The following DPP6 variants were observed in gnomAD, a reference collection of about 807,000 sequenced individuals.
The protein encoded by DPP6 is dipeptidyl peptidase like 6.
DPP6 carries 69 observed loss-of-function variants against 122.6 expected under a neutral mutation model. That is an observed-to-expected ratio of 0.56 (90% CI 0.46 to 0.69). DPP6 has a LOEUF of 0.69. DPP6 is among the 30% of genes least tolerant of loss of function. DPP6 has a pLI of 0.00. For missense variants in DPP6, 928 were observed against 1,116.9 expected (o/e 0.83, Z 2.41); for synonymous variants, 418 against 433.1 (o/e 0.97, Z 0.43).
intron 7 of DPP6, among the ~76,000 whole-genome samples, chr7:154,711,781 G>C (rs549473270): frequency 6.6e-6 from 1 of 152,232 alleles, no homozygotes; most frequent in Admixed American, 6.5e-5. Context: ...CCTGATTATA[G>C]TAATTATTCC....
intron 1 of DPP6, among the ~76,000 whole-genome samples, chr7:154,402,706 A>G (rs1815738605): frequency 6.6e-6 from 1 of 151,456 alleles, no homozygotes; most frequent in Non-Finnish European, 1.5e-5. Flanking sequence ...TATGTAACTA[A>G]CCTGCACAAT....
intron 1 of DPP6, among the ~76,000 whole-genome samples, chr7:153,952,354 C>T (rs1802258560): frequency 6.6e-6 from 1 of 152,170 alleles, no homozygotes; most frequent in African/African-American, 2.4e-5. Context: ...TAAACTAAGG[C>T]CAGAAAGATT....
chr7:154,445,832 T>C (rs769139354), intron 1 of DPP6, among the ~76,000 whole-genome samples: 2 of 151,460 alleles, frequency 1.3e-5, no homozygotes, highest in African/African-American at 2.4e-5. Flanking sequence ...AGTTTAATCC[T>C]AGTTGGGTTG....
In DPP6 at chr7:154,859,294, G is replaced by C. The variant is rs981967829; in HGVS notation, c.1714+5467G>C. Among the ~76,000 whole-genome samples, 5 of 152,354 alleles carry C rather than the reference G, an allele frequency of 3.3e-5. No individual in the cohort carries two copies. The South Asian group carries it at 1.0e-3, about 32-fold the overall frequency. On this transcript the variant is annotated intron_variant, in intron 17 of 25. Transcript: ENST00000377770. ...CGCTGTGGGGCTGAGCCAGGAAAGC[G>C]GGGCCCATGGCCTACAGCTGGGCAG...
At chr7:154,749,690 T>C (rs112102099) in intron 8 of DPP6, among the ~76,000 whole-genome samples, 1,247 of 37,454 alleles carry the variant, frequency 0.033, 4 homozygotes, top group Middle Eastern at 0.067. Flanking sequence ...GAGCATAGGA[T>C]GGGAAAGAGA....
intron 1 of DPP6, among the ~76,000 whole-genome samples, chr7:154,084,989 C>CAAAA (rs370222780): frequency 0.046 from 3,554 of 77,448 alleles, 266 homozygotes; most frequent in Middle Eastern, 0.081. Flanking sequence ...GACTCCGTCT[C>CAAAA]AAAAAAAAAA....
chr7:154,431,032 C>T (rs1394489779), intron 1 of DPP6, among the ~76,000 whole-genome samples: 2 of 152,088 alleles, frequency 1.3e-5, no homozygotes, highest in African/African-American at 2.4e-5. Context: ...TGATTGGCAC[C>T]CAGAGAGAAG....
chr7:154,609,953 G>A (rs976256696), intron 5 of DPP6, among the ~76,000 whole-genome samples: 2 of 152,158 alleles, frequency 1.3e-5, no homozygotes, highest in African/African-American at 4.8e-5. Flanking sequence ...CACCTGCCTT[G>A]ACCCTTGTCT....
chr7:154,312,856 A>G (rs140550016), intron 1 of DPP6, among the ~76,000 whole-genome samples: 1 of 152,222 alleles, frequency 6.6e-6, no homozygotes, highest in Admixed American at 6.5e-5. Flanking sequence ...TATTCAAAGC[A>G]TATTCCATGT....
At chr7:154,117,883 C>T (rs1014628230) in intron 1 of DPP6, among the ~76,000 whole-genome samples, 76 of 152,156 alleles carry the variant, frequency 5.0e-4, no homozygotes, top group African/African-American at 1.7e-3. Flanking sequence ...AGGGATTTTC[C>T]GCTCACGGTA....
chr7:154,733,760 G>T (rs1052414812), intron 8 of DPP6, among the ~76,000 whole-genome samples: 1 of 152,096 alleles, frequency 6.6e-6, no homozygotes, highest in Non-Finnish European at 1.5e-5. Context: ...TGGTTTTCAG[G>T]GTCTGTTTTC....
chr7:153,937,458 T>C, intron 1 of DPP6, among the ~76,000 whole-genome samples: 1 of 75,806 alleles, frequency 1.3e-5, no homozygotes, highest in Non-Finnish European at 2.8e-5. Context: ...TTTTTTTTTT[T>C]TTTTTTTTTT....
chr7:154,256,151 A>G (rs909310303), intron 1 of DPP6, among the ~76,000 whole-genome samples: 7 of 152,258 alleles, frequency 4.6e-5, no homozygotes, highest in African/African-American at 1.4e-4. Flanking sequence ...AAGTCTGACT[A>G]TAAGAGGAGA....
At chr7:153,824,606 C>T in the DPP6 span, among the ~76,000 whole-genome samples, 12 of 151,858 alleles carry the variant, frequency 7.9e-5, no homozygotes, top group Middle Eastern at 6.8e-3. Context: ...ATAGCTTGAA[C>T]CTGGGAGGCA....
intron 1 of DPP6, among the ~76,000 whole-genome samples, chr7:153,906,305 T>A (rs1231743755): frequency 6.6e-6 from 1 of 152,216 alleles, no homozygotes; most frequent in Non-Finnish European, 1.5e-5. Flanking sequence ...GCTCATAGAC[T>A]GTACATTGTA....
intron 1 of DPP6, among the ~76,000 whole-genome samples, chr7:154,294,885 A>G (rs1805435313): frequency 6.6e-6 from 1 of 152,140 alleles, no homozygotes; most frequent in African/African-American, 2.4e-5. Flanking sequence ...GGCTGAGCAG[A>G]CAGCCCCAGA....
intron 5 of DPP6, among the ~76,000 whole-genome samples, chr7:154,591,742 A>G (rs892807291): frequency 9.2e-5 from 14 of 152,212 alleles, no homozygotes; most frequent in Non-Finnish European, 7.3e-5. Context: ...ACAGCTGCCA[A>G]ATGCATCGCC....
chr7:154,550,167 A>C (rs1224066145), intron 4 of DPP6, among the ~76,000 whole-genome samples: 1 of 152,230 alleles, frequency 6.6e-6, no homozygotes, highest in Non-Finnish European at 1.5e-5. Context: ...ATTGCTCATG[A>C]AAACTGAGAT....
chr7:153,895,316 G>T, intron 1 of DPP6, among the ~76,000 whole-genome samples: 1 of 152,116 alleles, frequency 6.6e-6, no homozygotes. Flanking sequence ...GGCCTCTGAG[G>T]GGCCTCTGCA....
Sources: gnomAD v4.1 joint callset for allele counts (sites outside exome capture counted in the v4.1 genomes callset) on GRCh38, gnomAD v4.1.1 for gene constraint, MANE v1.5 for transcripts, NCBI Gene and HGNC (gene_info 2026-07-23, HGNC 2026-07-21) for gene names.